The following TTBK2 variants were observed in gnomAD, a reference collection of about 807,000 sequenced individuals.
TTBK2 encodes tau tubulin kinase 2, also known as tau-tubulin kinase 2.
In TTBK2, 28 loss-of-function variants were observed where a neutral mutation model predicts 110.8. The observed-to-expected ratio is 0.25, with a 90% CI of 0.19 to 0.35. TTBK2 has a LOEUF of 0.35. Ranked by LOEUF, TTBK2 falls within the 10% of genes least tolerant of loss-of-function variation. TTBK2 has a pLI of 1.00. For missense variants in TTBK2, 1,369 were observed against 1,500.3 expected (o/e 0.91, Z 1.45); for synonymous variants, 532 against 527.3 (o/e 1.01, Z -0.12).
At chr15:42,902,861 T>C (rs1280799246) in intron 1 of TTBK2, among the ~76,000 whole-genome samples, 2 of 151,758 alleles carry the variant, frequency 1.3e-5, no homozygotes, top group South Asian at 4.2e-4. Flanking sequence ...CATGGTGCCA[T>C]GCACCTGTAA....
intron 3 of TTBK2, among the ~76,000 whole-genome samples, chr15:42,870,967 C>T (rs1894592182): frequency 6.6e-6 from 1 of 151,930 alleles, no homozygotes; most frequent in Admixed American, 6.6e-5. Context: ...CTTTTCCTTA[C>T]ATTCAGCCTT....
chr15:42,869,734 C>T (rs1894536757), intron 3 of TTBK2, among the ~76,000 whole-genome samples: 2 of 151,608 alleles, frequency 1.3e-5, no homozygotes, highest in Admixed American at 6.6e-5. Flanking sequence ...AAGGATAGGC[C>T]TAATAAATTT....
intron 3 of TTBK2, among the ~76,000 whole-genome samples, chr15:42,853,649 AC>A (rs1278353569): frequency 2.0e-5 from 3 of 152,332 alleles, no homozygotes; most frequent in African/African-American, 7.2e-5. Context: ...GAAGGGCCAA[AC>A]AACTTTCTAT....
rs540089069 is a variant in TTBK2, at chr15:42,810,413, C to T, written c.822+201G>A. Among the ~76,000 whole-genome samples, 6 of 152,246 alleles carry T rather than the reference C, an allele frequency of 3.9e-5. No homozygotes were observed. The South Asian group carries it at 1.2e-3, about 32-fold the overall frequency. On this transcript the variant is annotated intron_variant, in intron 9 of 14. Transcript: ENST00000267890. Reference sequence around the variant, plus strand: ...CCTAAAACTCGAATGAAGTTAAGTCCATCCAGAGGGATGAAACACATAACA... The same window carrying T: ...CCTAAAACTCGAATGAAGTTAAGTCTATCCAGAGGGATGAAACACATAACA...
chr15:42,851,174 G>C (rs1032293931), intron 3 of TTBK2, among the ~76,000 whole-genome samples: 7 of 151,740 alleles, frequency 4.6e-5, no homozygotes, highest in African/African-American at 1.7e-4. Flanking sequence ...CATGAACCCG[G>C]GAGGCGGAGC....
chr15:42,802,930 G>A (rs904038301), intron 9 of TTBK2, among the ~76,000 whole-genome samples: 27 of 152,262 alleles, frequency 1.8e-4, no homozygotes, highest in African/African-American at 4.6e-4. Context: ...TGAGGCTGGC[G>A]TAGCCTCCCA....
chr15:42,766,466 A>AAAAAAAAAAAAAAAAC, intron 13 of TTBK2, among the ~76,000 whole-genome samples: 1 of 147,346 alleles, frequency 6.8e-6, no homozygotes, highest in African/African-American at 2.6e-5. Context: ...AAAAAAAAAA[A>AAAAAAAAAAAAAAAAC]AGCAAGGGTT....
intron 3 of TTBK2, among the ~76,000 whole-genome samples, chr15:42,861,920 C>A (rs549125304): frequency 1.3e-5 from 2 of 152,062 alleles, no homozygotes; most frequent in African/African-American, 2.4e-5. Context: ...ACTGATCCCA[C>A]GGAAGTACAA....
chr15:42,874,788 G>A (rs1378443148), intron 2 of TTBK2, among the ~76,000 whole-genome samples: 2 of 151,276 alleles, frequency 1.3e-5, no homozygotes, highest in East Asian at 3.9e-4. Flanking sequence ...GAGTTTGAGA[G>A]CAGCCTGACC....
intron 1 of TTBK2, among the ~76,000 whole-genome samples, chr15:42,894,516 C>T (rs564632442): frequency 2.6e-5 from 4 of 152,154 alleles, no homozygotes; most frequent in Non-Finnish European, 2.9e-5. Context: ...CTGTGGGAGG[C>T]GAAGGCGGGT....
rs972981448 is a variant in TTBK2 at position 42,739,663 on chromosome 15, G to A, written c.*6132C>T. 1.3e-5 allele frequency: 2 copies of A among 152,212 alleles called. No homozygotes were observed. Among genetic ancestry groups the A allele is most frequent in the Admixed American group, 1.3e-4 (2 of 15,290 alleles). The allele number at this position is 152,212 out of a possible 1,614,324, so 9.4% of individuals were successfully genotyped here. ...GTGTTACCTTTATCTTCCCATCTTT[G>A]TATTTCTGAAAGCTTTGTCACCTCA... On this transcript the variant is annotated 3_prime_UTR_variant, in exon 15 of 15. Coordinates refer to ENST00000267890, the MANE Select transcript of TTBK2 (RefSeq NM_173500.4).
At chr15:42,838,580 C>G (rs1395409424) in intron 4 of TTBK2, among the ~76,000 whole-genome samples, 5 of 152,142 alleles carry the variant, frequency 3.3e-5, no homozygotes, top group Admixed American at 3.3e-4. Context: ...CTTTGGGAAG[C>G]CAAGGCAGGC....
intron 10 of TTBK2, among the ~76,000 whole-genome samples, chr15:42,785,495 T>C (rs1242459895): frequency 6.6e-6 from 1 of 152,166 alleles, no homozygotes; most frequent in African/African-American, 2.4e-5. Context: ...ATTCTTGCCC[T>C]AGAGGGGAAA....
chr15:42,914,348 C>A (rs976122771), intron 1 of TTBK2, among the ~76,000 whole-genome samples: 2 of 152,054 alleles, frequency 1.3e-5, no homozygotes, highest in African/African-American at 4.8e-5. Flanking sequence ...TATATTATAT[C>A]CTAATCACTT....
Position 42,753,963 on chromosome 15 carries a change from C to T in TTBK2, c.1999-716G>A, listed in dbSNP as rs370109062. Among the ~76,000 whole-genome samples, 37 of 152,262 alleles carry T rather than the reference C, an allele frequency of 2.4e-4. No homozygotes were observed. In the East Asian group the frequency reaches 6.5e-3, roughly 27 times the overall value. The stretch of plus-strand genomic sequence containing the variant: ...TGGCAAATAATTGTTCATTGAAAAA[C>T]TCCAAATTTGCATGCATTTTGTTGT... On this transcript the variant is annotated intron_variant, in intron 13 of 14. Transcript: ENST00000267890.
rs201324326 is a variant in TTBK2, at chr15:42,881,998, T to C, written c.-67-3314A>G. On this transcript the variant is annotated intron_variant, in intron 1 of 14. Coordinates refer to ENST00000267890, the MANE Select transcript of TTBK2 (RefSeq NM_173500.4). ...GTCAGTAAACTGGAAGATAAATCTA[T>C]AGCAATTACACAATGTGAAGATAAA... Among the ~76,000 whole-genome samples the C allele has an allele frequency of 3.9e-5, 6 of 152,052 alleles. No homozygotes were observed. In the East Asian group the frequency reaches 9.6e-4, roughly 24 times the overall value.
At chr15:42,818,619 C>A (rs2140952609) in intron 6 of TTBK2, among the ~76,000 whole-genome samples, 2 of 152,100 alleles carry the variant, frequency 1.3e-5, no homozygotes, top group South Asian at 4.2e-4. Context: ...ACTCGGGAGG[C>A]AGAGGCAGGA....
At chr15:42,826,015 A>AATAT in intron 6 of TTBK2, among the ~76,000 whole-genome samples, 1 of 150,054 alleles carries the variant, frequency 6.7e-6, no homozygotes, top group South Asian at 2.1e-4. Context: ...ACTCTTTTGG[A>AATAT]ATATATATAT....
At chr15:42,786,788 A>G (rs1890431637) in intron 10 of TTBK2, among the ~76,000 whole-genome samples, 1 of 150,848 alleles carries the variant, frequency 6.6e-6, no homozygotes, top group South Asian at 2.1e-4. Context: ...TTTATTCTCC[A>G]TTCCTTTCTC....
Sources: gnomAD v4.1 joint callset for allele counts (sites outside exome capture counted in the v4.1 genomes callset) on GRCh38, gnomAD v4.1.1 for gene constraint, MANE v1.5 for transcripts, NCBI Gene and HGNC (gene_info 2026-07-23, HGNC 2026-07-21) for gene names.